BMPR2: variants seen among roughly 807,000 people sequenced by gnomAD.
BMPR2 encodes bone morphogenetic protein receptor type-2.
In BMPR2, 29 loss-of-function variants were observed where a neutral mutation model predicts 100.8. That is an observed-to-expected ratio of 0.29 (90% CI 0.21 to 0.39). The LOEUF (loss-of-function observed/expected upper bound fraction) is 0.39. Ranked by LOEUF, BMPR2 falls within the 10% of genes least tolerant of loss-of-function variation. BMPR2 has a pLI of 1.00. For missense variants in BMPR2, 1,011 were observed against 1,274.5 expected (o/e 0.79, Z 3.15); for synonymous variants, 382 against 442.3 (o/e 0.86, Z 1.71).
chr2:202,384,085 T>C (rs1690364439), intron 1 of BMPR2, among the ~76,000 whole-genome samples: 4 of 152,072 alleles, frequency 2.6e-5, no homozygotes, highest in African/African-American at 9.7e-5. Flanking sequence ...GGCAGGAGAA[T>C]CACTTGAACC....
chr2:202,470,770 CAAAA>C (rs35813080), intron 3 of BMPR2, among the ~76,000 whole-genome samples: 2 of 65,512 alleles, frequency 3.1e-5, no homozygotes, highest in African/African-American at 6.0e-5. Context: ...GACTCCGTCT[CAAAA>C]AAAAAAAAAA....
chr2:202,512,429 T>C (rs924528922), intron 3 of BMPR2, among the ~76,000 whole-genome samples: 2 of 152,258 alleles, frequency 1.3e-5, no homozygotes, highest in Non-Finnish European at 2.9e-5. Flanking sequence ...TAAGCCATGC[T>C]TTTCTGTATG....
At chr2:202,392,073 C>CTT (rs771003835) in intron 1 of BMPR2, among the ~76,000 whole-genome samples, 14 of 135,654 alleles carry the variant, frequency 1.0e-4, no homozygotes, top group South Asian at 4.8e-4. Flanking sequence ...AGTCTACACT[C>CTT]TTTTTTTTTT....
intron 3 of BMPR2, among the ~76,000 whole-genome samples, chr2:202,489,996 AG>A (rs960058160): frequency 9.8e-5 from 15 of 152,316 alleles, no homozygotes; most frequent in Admixed American, 9.2e-4. Flanking sequence ...ACTCAGCTTC[AG>A]GCTTCAGGAT....
intron 10 of BMPR2, among the ~76,000 whole-genome samples, chr2:202,547,293 G>A (rs562798183): frequency 1.2e-4 from 18 of 151,898 alleles, no homozygotes; most frequent in African/African-American, 1.7e-4. Flanking sequence ...CTGTAGCCTC[G>A]AACTCCTAAA....
At chr2:202,458,640 T>A (rs920832569) in intron 1 of BMPR2, among the ~76,000 whole-genome samples, 7 of 151,990 alleles carry the variant, frequency 4.6e-5, no homozygotes, top group Non-Finnish European at 8.8e-5. Flanking sequence ...CAGTGGTGAT[T>A]GTTTCTTTAA....
chr2:202,548,591 C>A (rs34080389), intron 10 of BMPR2, among the ~76,000 whole-genome samples: 9 of 151,708 alleles, frequency 5.9e-5, no homozygotes, highest in African/African-American at 7.3e-5. Flanking sequence ...TTGTTTTAAA[C>A]CACTGAGCTG....
chr2:202,473,172 G>A (rs138257921), intron 3 of BMPR2, among the ~76,000 whole-genome samples: 3,364 of 152,178 alleles, frequency 0.022, 48 homozygotes, highest in Non-Finnish European at 0.035. Flanking sequence ...ATTATGGCAG[G>A]GCACAGTGGC....
chr2:202,490,660 C>A (rs987180403), intron 3 of BMPR2, among the ~76,000 whole-genome samples: 20 of 152,290 alleles, frequency 1.3e-4, no homozygotes, highest in African/African-American at 4.6e-4. Context: ...TCCAGTGCTT[C>A]TAAGCAGGAC....
intron 10 of BMPR2, among the ~76,000 whole-genome samples, chr2:202,547,569 C>T (rs916460901): frequency 4.7e-5 from 7 of 148,222 alleles, no homozygotes; most frequent in South Asian, 2.1e-4. Context: ...GATTACTTGA[C>T]GTCAGGAGTT....
rs185841290 is a variant in BMPR2 at position 202,492,658 on chromosome 2, C to T, written c.419-21061C>T. Among the ~76,000 whole-genome samples the T allele has an allele frequency of 6.9e-5, 10 of 145,332 alleles. No individual in the cohort carries two copies. In the Admixed American group the frequency reaches 7.0e-4, roughly 10 times the overall value. On this transcript the variant is annotated intron_variant, in intron 3 of 12. Coordinates refer to ENST00000374580, the MANE Select transcript of BMPR2 (RefSeq NM_001204.7). ...GAGGTTGCAGTAAACAGAGATCCCG[C>T]CATTGCACTCTAGCCTGGGCGACAA...
In BMPR2 at chr2:202,565,413, T is replaced by C. The variant is rs1688744675; in HGVS notation, c.*5467T>C. The stretch of plus-strand genomic sequence containing the variant: ...TCCAGTTAAGTAATAGTTTGATAGT[T>C]TGATAGAATCGAGAGTTAAGATGTT... On this transcript the variant is annotated 3_prime_UTR_variant, in exon 13 of 13. Transcript: ENST00000374580. 1 of 152,412 alleles carries C rather than the reference T, an allele frequency of 6.6e-6. No homozygotes were observed. Among genetic ancestry groups the C allele is most frequent in the Admixed American group, 6.5e-5 (1 of 15,272 alleles). The allele number at this position is 152,412 out of a possible 1,614,324, so 9.4% of individuals were successfully genotyped here.
At chr2:202,446,267 C>T (rs1206505876) in intron 1 of BMPR2, among the ~76,000 whole-genome samples, 4 of 149,846 alleles carry the variant, frequency 2.7e-5, no homozygotes, top group African/African-American at 7.6e-5. Context: ...GGCATGGTGG[C>T]GCATGCCTGT....
chr2:202,482,685 C>T (rs1692684193), intron 3 of BMPR2, among the ~76,000 whole-genome samples: 2 of 151,858 alleles, frequency 1.3e-5, no homozygotes, highest in African/African-American at 4.8e-5. Context: ...ATTACAGGCA[C>T]CCGCCACTAT....
At position 202,503,413 on chromosome 2, in the gene BMPR2, T is replaced by A. The variant is rs982847682; in HGVS notation, c.419-10306T>A. Among the ~76,000 whole-genome samples, 3 of 152,184 alleles carry A rather than the reference T, an allele frequency of 2.0e-5. No homozygotes were observed. The highest frequency in any genetic ancestry group is 2.9e-5 in the Non-Finnish European group (2 of 68,018). On this transcript the variant is annotated intron_variant, in intron 3 of 12. Coordinates refer to ENST00000374580, the MANE Select transcript of BMPR2 (RefSeq NM_001204.7). The surrounding 1 kb of genome is among the most constrained non-coding windows in gnomAD (Gnocchi z 4.0). The stretch of plus-strand genomic sequence containing the variant: ...GGCGCAAGCAGGAACCGGGGCGGCG[T>A]GCCGCGCTTGCGGGCCAGCCGGAGT...
intron 9 of BMPR2, among the ~76,000 whole-genome samples, chr2:202,540,891 C>A (rs562340580): frequency 6.6e-6 from 1 of 151,920 alleles, no homozygotes; most frequent in African/African-American, 2.4e-5. Context: ...GGTGGGAGGA[C>A]GGGTAAAGAG....
rs559143713 is a variant in BMPR2, at chr2:202,443,497, CTCTT to C, written c.77-21308_77-21305del. On this transcript the variant is annotated intron_variant, in intron 1 of 12. Transcript: ENST00000374580. Reference sequence around the variant, plus strand: ...CAACACTTACTTTCTGCCTCTGTCTCTCTTTCTCTCTCTCTCTTTCTTTCCTTTC... The same window carrying C: ...CAACACTTACTTTCTGCCTCTGTCTCTCTCTCTCTCTCTTTCTTTCCTTTC... Among the ~76,000 whole-genome samples the C allele has an allele frequency of 3.2e-3, 482 of 150,434 alleles. 39 individuals carry two copies. Among genetic ancestry groups the C allele is most frequent in the African/African-American group, 0.012 (466 of 39,832 alleles).
chr2:202,464,016 G>A (rs550350066), intron 1 of BMPR2, among the ~76,000 whole-genome samples: 15 of 151,888 alleles, frequency 9.9e-5, no homozygotes, highest in East Asian at 3.9e-4. Context: ...AAAATTAGCC[G>A]GGCGTGGTGG....
At chr2:202,508,107 TATTA>T (rs1687560716) in intron 3 of BMPR2, among the ~76,000 whole-genome samples, 1 of 149,202 alleles carries the variant, frequency 6.7e-6, no homozygotes, top group Non-Finnish European at 1.5e-5. Context: ...TTATTATTAT[TATTA>T]TTTTTGAGTC....
Sources: allele counts gnomAD v4.1 joint callset (sites outside exome capture counted in the v4.1 genomes callset), GRCh38; gene constraint gnomAD v4.1.1; non-coding constraint Gnocchi (gnomAD v3.1); transcripts MANE v1.5; gene names NCBI Gene and HGNC (gene_info 2026-07-23, HGNC 2026-07-21).